The following PITPNM2 variants were observed in gnomAD, a reference collection of about 807,000 sequenced individuals.
PITPNM2 encodes membrane-associated phosphatidylinositol transfer protein 2.
A neutral mutation model predicts 132.2 loss-of-function variants in PITPNM2; 35 were observed. The ratio of observed to expected loss-of-function variants is 0.26; its 90% confidence interval spans 0.20 to 0.35. The LOEUF (loss-of-function observed/expected upper bound fraction) is 0.35. Among genes scored for constraint, PITPNM2 ranks in the 10% least tolerant of loss-of-function variants. The pLI is 1.00. For synonymous variants in PITPNM2, 738 were observed against 799.2 expected, an observed-to-expected ratio of 0.92 and a Z score of 1.29; for missense variants, 1,332 against 1,912.0, an observed-to-expected ratio of 0.70 and a Z score of 5.66.
At chr12:123,037,563 A>T (rs929524857) in intron 2 of PITPNM2, among the ~76,000 whole-genome samples, 1 of 152,188 alleles carries the variant, frequency 6.6e-6, no homozygotes, top group Non-Finnish European at 1.5e-5. Flanking sequence ...TCTAAATAAC[A>T]TGGTCAGACA....
At position 123,000,158 on chromosome 12, in the gene PITPNM2, A is replaced by G; in HGVS notation, c.1224+620T>C. The G allele has an allele frequency of 1.9e-6, 1 of 518,970 alleles. No homozygotes were observed. The allele number at this position is 518,970 out of a possible 1,614,324, so 32.1% of individuals were successfully genotyped here. ...CCTCCACCTTAGGTAGCTTGAGGCC[A>G]GAGCAGTGCGGTGACCGCAGGTGAT... On this transcript the variant is annotated intron_variant, in intron 10 of 25. Coordinates refer to ENST00000320201, the MANE Select transcript of PITPNM2 (RefSeq NM_020845.3). This position sits in a 1 kb window ranked among gnomAD's most constrained non-coding sequence, Gnocchi z 5.4.
In PITPNM2 at chr12:123,036,539, C is replaced by A. The variant is rs1592963263; in HGVS notation, c.-95-1854G>T. 6.6e-6 allele frequency among the ~76,000 whole-genome samples: 1 copy of A among 152,240 alleles called. No individual in the cohort carries two copies. Among genetic ancestry groups the A allele is most frequent in the East Asian group, 1.9e-4 (1 of 5,200 alleles). On this transcript the variant is annotated intron_variant, in intron 2 of 25. Transcript: ENST00000320201. This position sits in a 1 kb window ranked among gnomAD's most constrained non-coding sequence, Gnocchi z 4.1. ...CTCTCTATTAAAAAAGAACCCAATTCTCACATCCAGTTGCTTTAAATATAG... is the reference window on the plus strand; with the variant it reads ...CTCTCTATTAAAAAAGAACCCAATTATCACATCCAGTTGCTTTAAATATAG...
In PITPNM2 at chr12:122,992,348, A is replaced by AC. The variant is rs1390001151; in HGVS notation, c.2404+150dup. On this transcript the variant is annotated intron_variant, in intron 16 of 25. Coordinates refer to ENST00000320201, the MANE Select transcript of PITPNM2 (RefSeq NM_020845.3). The surrounding 1 kb of genome is among the most constrained non-coding windows in gnomAD (Gnocchi z 6.5). ...GAGGGATGCACCACCCCCACCCCCC[A>AC]CCCCCAACAGCTGTCCACCTCCAAG... 19 of 225,406 alleles carry AC rather than the reference A, an allele frequency of 8.4e-5. No individual in the cohort carries two copies. The highest frequency in any genetic ancestry group is 1.6e-4 in the Non-Finnish European group (19 of 122,412). The allele number at this position is 225,406 out of a possible 1,614,324, so 14.0% of individuals were successfully genotyped here. A position where few individuals can be genotyped will look rare whatever the true frequency, so the allele number is the denominator to read the frequency against.
In PITPNM2 at chr12:123,000,900, C is replaced by G. The variant is rs748591287; in HGVS notation, c.1154-52G>C. On this transcript the variant is annotated intron_variant, in intron 9 of 25. Coordinates refer to ENST00000320201, the MANE Select transcript of PITPNM2 (RefSeq NM_020845.3). This position sits in a 1 kb window ranked among gnomAD's most constrained non-coding sequence, Gnocchi z 5.4. Reference sequence around the variant, plus strand: ...GAGCTGAGGGGCAGCCCAACCTGGCCGACCGGACAGAGGCTGCAACTGTGA... The same window carrying G: ...GAGCTGAGGGGCAGCCCAACCTGGCGGACCGGACAGAGGCTGCAACTGTGA... The G allele has an allele frequency of 1.9e-6, 3 of 1,604,264 alleles. No individual in the cohort carries two copies. The highest frequency in any genetic ancestry group is 1.7e-5 in the Admixed American group (1 of 59,860).
chr12:123,135,770 G>A (rs1399562400), intron 1 of PITPNM2, among the ~76,000 whole-genome samples: 4 of 152,194 alleles, frequency 2.6e-5, no homozygotes, highest in South Asian at 2.1e-4. Flanking sequence ...ATTAACAGGC[G>A]AGATCATAGC....
rs906353104 is a variant in PITPNM2 at position 123,089,150 on chromosome 12, A to C, written c.-96+21235T>G. The C allele has an allele frequency of 2.3e-4, 35 of 152,138 alleles. 1 individual carries two copies. Among genetic ancestry groups the C allele is most frequent in the Non-Finnish European group, 5.9e-5 (4 of 68,028 alleles). The allele number at this position is 152,138 out of a possible 1,614,324, so 9.4% of individuals were successfully genotyped here. A position where few individuals can be genotyped will look rare whatever the true frequency, so the allele number is the denominator to read the frequency against. On this transcript the variant is annotated intron_variant, in intron 2 of 25. Coordinates refer to ENST00000320201, the MANE Select transcript of PITPNM2 (RefSeq NM_020845.3). ...CTAGCAAAAGCTACATATTTACTCT[A>C]AAAAAAGCTTTCGGGCACAGCTGCT...
intron 3 of PITPNM2, among the ~76,000 whole-genome samples, chr12:123,030,963 C>T (rs73411058): frequency 0.043 from 6,451 of 151,060 alleles, 457 homozygotes; most frequent in African/African-American, 0.15. Context: ...ACAGGTAGTA[C>T]ATTAGTGATT....
At chr12:123,032,816 C>A (rs767499170) in intron 3 of PITPNM2, among the ~76,000 whole-genome samples, 1 of 152,202 alleles carries the variant, frequency 6.6e-6, no homozygotes, top group Non-Finnish European at 1.5e-5. Flanking sequence ...AAATAATTAT[C>A]GGGTAAGTGG....
At position 123,095,488 on chromosome 12, in the gene PITPNM2, G is replaced by A. The variant is rs2042382300; in HGVS notation, c.-96+14897C>T. ...ACTCAACAAAGCAAGATGTCGTGATGTTGCCACCAGCCTGCCCCCTCCTCC... is the reference window on the plus strand; with the variant it reads ...ACTCAACAAAGCAAGATGTCGTGATATTGCCACCAGCCTGCCCCCTCCTCC... On this transcript the variant is annotated intron_variant, in intron 2 of 25. Transcript: ENST00000320201. The surrounding 1 kb of genome is among the most constrained non-coding windows in gnomAD (Gnocchi z 5.0). Among the ~76,000 whole-genome samples, 1 of 152,192 alleles carries A rather than the reference G, an allele frequency of 6.6e-6. No individual in the cohort carries two copies.
chr12:123,116,025 C>A lies in PITPNM2; in HGVS notation c.-199-5537G>T, dbSNP rs561316955. On this transcript the variant is annotated intron_variant, in intron 1 of 25. Transcript: ENST00000320201. ...TGAATGGGTCTGCAAAGATCTTTTC[C>A]CAGGGTGGTTGCCGGGGACTGTTAC... Among the ~76,000 whole-genome samples the A allele has an allele frequency of 4.6e-5, 7 of 152,296 alleles. No individual in the cohort carries two copies. The South Asian group carries it at 1.5e-3, about 32-fold the overall frequency.
chr12:122,999,673 G>C (rs2038574835), intron 10 of PITPNM2, among the ~76,000 whole-genome samples: 1 of 152,144 alleles, frequency 6.6e-6, no homozygotes, highest in African/African-American at 2.4e-5. Context: ...TCTCCAAGGG[G>C]ACACCTGGCC....
Position 123,111,123 on chromosome 12 carries a change from T to C in PITPNM2, c.-199-635A>G, listed in dbSNP as rs1332588931. 6.6e-6 allele frequency among the ~76,000 whole-genome samples: 1 copy of C among 152,150 alleles called. No individual in the cohort carries two copies. Among genetic ancestry groups the C allele is most frequent in the African/African-American group, 2.4e-5 (1 of 41,432 alleles). ...GTCGCAGGTCCAACAGCCTCAGAGA[T>C]GACAAAGTCTTCACAGGTACCACTG... On this transcript the variant is annotated intron_variant, in intron 1 of 25. Transcript: ENST00000320201. The surrounding 1 kb of genome is among the most constrained non-coding windows in gnomAD (Gnocchi z 4.1).
chr12:123,056,145 T>C (rs1041577698), intron 2 of PITPNM2, among the ~76,000 whole-genome samples: 2 of 152,198 alleles, frequency 1.3e-5, no homozygotes, highest in African/African-American at 4.8e-5. Flanking sequence ...TTCCAGGCTC[T>C]GGCCCTGAGG....
rs2137755231 is a variant in PITPNM2, at chr12:123,150,343, C to T, written c.-200+410G>A. Reference sequence around the variant, plus strand: ...AGCTGGAGGCGGGAAGCAGAGAAGGCGGGCCGGGGGCTCACCTCCGCTTCC... The same window carrying T: ...AGCTGGAGGCGGGAAGCAGAGAAGGTGGGCCGGGGGCTCACCTCCGCTTCC... On this transcript the variant is annotated intron_variant, in intron 1 of 25. Coordinates refer to ENST00000320201, the MANE Select transcript of PITPNM2 (RefSeq NM_020845.3). The surrounding 1 kb of genome is among the most constrained non-coding windows in gnomAD (Gnocchi z 6.0). 6.6e-6 allele frequency among the ~76,000 whole-genome samples: 1 copy of T among 152,164 alleles called. No individual in the cohort carries two copies. The highest frequency in any genetic ancestry group is 2.1e-4 in the South Asian group (1 of 4,832).
intron 2 of PITPNM2, among the ~76,000 whole-genome samples, chr12:123,061,404 T>G (rs1004978891): frequency 6.6e-6 from 1 of 152,224 alleles, no homozygotes; most frequent in Non-Finnish European, 1.5e-5. Context: ...AAACAAGCTC[T>G]GGAGAGGTCT....
intron 16 of PITPNM2, chr12:122,991,990 G>A (rs2038208977): frequency 2.5e-6 from 3 of 1,186,514 alleles, no homozygotes; most frequent in African/African-American, 1.6e-5. Flanking sequence ...AGGGCTCCTC[G>A]AGGACCAGGA....
chr12:123,060,763 C>G (rs1005052450), intron 2 of PITPNM2, among the ~76,000 whole-genome samples: 2 of 152,152 alleles, frequency 1.3e-5, no homozygotes, highest in Non-Finnish European at 2.9e-5. Flanking sequence ...GGTATAGGCA[C>G]GGTCCTCCTT....
chr12:123,121,988 T>C (rs956121016), intron 1 of PITPNM2, among the ~76,000 whole-genome samples: 1 of 152,224 alleles, frequency 6.6e-6, no homozygotes, highest in Non-Finnish European at 1.5e-5. Flanking sequence ...ACAAGTATTA[T>C]AGTTGGGACT....
chr12:123,000,533 C>T lies in PITPNM2; in HGVS notation c.1224+245G>A. On this transcript the variant is annotated intron_variant, in intron 10 of 25. Coordinates refer to ENST00000320201, the MANE Select transcript of PITPNM2 (RefSeq NM_020845.3). This position sits in a 1 kb window ranked among gnomAD's most constrained non-coding sequence, Gnocchi z 5.4. Reference sequence around the variant, plus strand: ...TCCCATGGGTGGAGCTTGGATAAGGCTTTCTCAGGGGTTGTCTGTAGTCCC... The same window carrying T: ...TCCCATGGGTGGAGCTTGGATAAGGTTTTCTCAGGGGTTGTCTGTAGTCCC... 1.4e-6 allele frequency: 1 copy of T among 694,864 alleles called. No homozygotes were observed. Among genetic ancestry groups the T allele is most frequent in the Admixed American group, 2.0e-5 (1 of 48,972 alleles). The allele number at this position is 694,864 out of a possible 1,614,324, so 43.0% of individuals were successfully genotyped here.
Sources: allele counts gnomAD v4.1 joint callset (sites outside exome capture counted in the v4.1 genomes callset), GRCh38; gene constraint gnomAD v4.1.1; non-coding constraint Gnocchi (gnomAD v3.1); transcripts MANE v1.5; gene names NCBI Gene and HGNC (gene_info 2026-07-23, HGNC 2026-07-21).